UBOX5: variants seen among roughly 807,000 people sequenced by gnomAD.
UBOX5 encodes U-box domain containing 5, also known as RING finger protein 37.
In UBOX5, 28 loss-of-function variants were observed where a neutral mutation model predicts 39.0. The observed-to-expected ratio is 0.72, with a 90% CI of 0.53 to 0.98. The LOEUF (loss-of-function observed/expected upper bound fraction) is 0.98, where lower values mean the gene tolerates loss of function less well. Among genes scored for constraint, UBOX5 ranks in the 50% least tolerant of loss-of-function variants. The pLI is 0.00. For synonymous variants in UBOX5, 283 were observed against 275.5 expected, an observed-to-expected ratio of 1.03 and a Z score of -0.27; for missense variants, 585 against 674.4, an observed-to-expected ratio of 0.87 and a Z score of 1.47.
At chr20:3,134,537 AAC>A (rs2066453958) in intron 1 of UBOX5, among the ~76,000 whole-genome samples, 2 of 143,222 alleles carry the variant, frequency 1.4e-5, no homozygotes, top group Non-Finnish European at 3.0e-5. Flanking sequence ...CAGCCTGGGT[AAC>A]AGAGTGAGAC....
At chr20:3,141,624 C>A (rs572495856) in intron 1 of UBOX5, among the ~76,000 whole-genome samples, 19 of 151,842 alleles carry the variant, frequency 1.3e-4, no homozygotes, top group East Asian at 9.7e-4. Flanking sequence ...CCGGCCTGGG[C>A]AACAAGAGCG....
intron 1 of UBOX5, among the ~76,000 whole-genome samples, chr20:3,153,716 G>C (rs1021859515): frequency 6.6e-6 from 1 of 152,198 alleles, no homozygotes; most frequent in Non-Finnish European, 1.5e-5. Context: ...ACCTCTAACA[G>C]TCTACGATTC....
intron 1 of UBOX5, among the ~76,000 whole-genome samples, chr20:3,123,930 G>A (rs2066357534): frequency 6.6e-6 from 1 of 152,196 alleles, no homozygotes; most frequent in African/African-American, 2.4e-5. Flanking sequence ...GCTCATGCCT[G>A]TAATCCCAAC....
chr20:3,129,655 T>C (rs2066414766), intron 1 of UBOX5, among the ~76,000 whole-genome samples: 1 of 152,206 alleles, frequency 6.6e-6, no homozygotes, highest in African/African-American at 2.4e-5. Flanking sequence ...CTGTTTTGTT[T>C]AGTGGACAAA....
At chr20:3,141,049 G>A (rs950963049) in intron 1 of UBOX5, among the ~76,000 whole-genome samples, 6 of 151,304 alleles carry the variant, frequency 4.0e-5, no homozygotes, top group African/African-American at 1.5e-4. Context: ...CTCCCAAGTA[G>A]CTGGGATTAC....
At chr20:3,137,377 T>A (rs952836521) in intron 1 of UBOX5, among the ~76,000 whole-genome samples, 1 of 152,208 alleles carries the variant, frequency 6.6e-6, no homozygotes, top group Non-Finnish European at 1.5e-5. Context: ...GCCTCCTGGG[T>A]TCAAGTGATT....
At chr20:3,120,368 G>A (rs1161359228) in intron 3 of UBOX5, among the ~76,000 whole-genome samples, 2 of 138,702 alleles carry the variant, frequency 1.4e-5, no homozygotes, top group African/African-American at 5.6e-5. Flanking sequence ...AAAAACAGAA[G>A]TCGAGTGCAG....
chr20:3,120,932 C>T (rs1451002697), intron 3 of UBOX5, among the ~76,000 whole-genome samples: 3 of 152,108 alleles, frequency 2.0e-5, no homozygotes, highest in Non-Finnish European at 4.4e-5. Flanking sequence ...TTAGAAATAA[C>T]ACCCAGAGGA....
chr20:3,120,363 C>CCTGGTGGATCCTGCCAAATGCAATAA (rs2066325007), intron 3 of UBOX5, among the ~76,000 whole-genome samples: 4 of 113,424 alleles, frequency 3.5e-5, no homozygotes, highest in African/African-American at 1.6e-4. Context: ...AAAAAAAAAA[C>CCTGGTGGATCCTGCCAAATGCAATAA]AGAAGTCGAG....
chr20:3,145,968 C>G (rs2066558013), intron 1 of UBOX5, among the ~76,000 whole-genome samples: 1 of 151,820 alleles, frequency 6.6e-6, no homozygotes, highest in Admixed American at 6.6e-5. Context: ...ACTGCCTGAA[C>G]CTGGGAGGCA....
intron 3 of UBOX5, among the ~76,000 whole-genome samples, chr20:3,120,595 G>A (rs113956822): frequency 0.024 from 3,396 of 140,868 alleles, 99 homozygotes; most frequent in African/African-American, 0.079. Context: ...GCAGTGAGCC[G>A]AGATCATGCC....
chr20:3,143,516 C>T (rs6139017), intron 1 of UBOX5, among the ~76,000 whole-genome samples: 16,550 of 151,992 alleles, frequency 0.11, 1,788 homozygotes, highest in East Asian at 0.41. Context: ...AAGTTAACAT[C>T]GGGGTACAGT....
chr20:3,151,257 A>C (rs925594128), intron 1 of UBOX5, among the ~76,000 whole-genome samples: 2 of 152,198 alleles, frequency 1.3e-5, no homozygotes, highest in African/African-American at 4.8e-5. Flanking sequence ...ATCAAGGGTG[A>C]GCAGACTATG....
chr20:3,135,574 A>C (rs1320363387), intron 1 of UBOX5, among the ~76,000 whole-genome samples: 1 of 152,188 alleles, frequency 6.6e-6, no homozygotes, highest in African/African-American at 2.4e-5. Flanking sequence ...CCCAAACTGC[A>C]GGTTGAGAAT....
At chr20:3,119,600 T>C (rs1029367319) in intron 3 of UBOX5, among the ~76,000 whole-genome samples, 5 of 151,758 alleles carry the variant, frequency 3.3e-5, no homozygotes, top group Admixed American at 1.3e-4. Context: ...ATACCTGTAA[T>C]CCTAGCACTC....
chr20:3,110,649 A>G, intron 4 of UBOX5: 1 of 363,236 alleles, frequency 2.8e-6, no homozygotes. Flanking sequence ...AGGCTGGAGC[A>G]AGGCACAGCT....
chr20:3,125,272 T>C (rs2066373309), intron 1 of UBOX5, among the ~76,000 whole-genome samples: 1 of 144,458 alleles, frequency 6.9e-6, no homozygotes. Flanking sequence ...CTGCCCCGTC[T>C]GGGAGGTGAG....
chr20:3,148,479 T>C (rs768137428), intron 1 of UBOX5: 2 of 1,614,156 alleles, frequency 1.2e-6, no homozygotes, highest in Non-Finnish European at 1.7e-6. Flanking sequence ...AAGAGCTGTA[T>C]CTTCTTCACA....
chr20:3,137,036 C>T (rs1188210575), intron 1 of UBOX5, among the ~76,000 whole-genome samples: 1 of 151,800 alleles, frequency 6.6e-6, no homozygotes, highest in African/African-American at 2.4e-5. Context: ...CAGCCTTCAC[C>T]TCCCGGGTTC....
Sources: allele counts gnomAD v4.1 joint callset (sites outside exome capture counted in the v4.1 genomes callset), GRCh38; gene constraint gnomAD v4.1.1; transcripts MANE v1.5; gene names NCBI Gene and HGNC (gene_info 2026-07-23, HGNC 2026-07-21).